The following MRPL1 variants were observed in gnomAD, a reference collection of about 807,000 sequenced individuals.
The protein encoded by MRPL1 is mitochondrial ribosomal protein L1.
Under a neutral mutation model 38.0 loss-of-function variants are expected in MRPL1, and 28 were observed. The ratio of observed to expected loss-of-function variants is 0.74; its 90% CI spans 0.55 to 1.01. The LOEUF (loss-of-function observed/expected upper bound fraction) is 1.01. Ranked by LOEUF, MRPL1 falls within the 50% of genes least tolerant of loss-of-function variation. MRPL1 has a pLI of 0.00. For missense variants in MRPL1, 358 were observed against 389.8 expected, an observed-to-expected ratio of 0.92 and a Z score of 0.69; for synonymous variants, 123 against 126.7, an observed-to-expected ratio of 0.97 and a Z score of 0.20.
chr4:77,867,801 G>C (rs1042632373), intron 1 of MRPL1, among the ~76,000 whole-genome samples: 1 of 142,132 alleles, frequency 7.0e-6, no homozygotes, highest in Non-Finnish European at 1.5e-5. Flanking sequence ...CTGTCGACCA[G>C]GCTAGAGGGC....
intron 7 of MRPL1, among the ~76,000 whole-genome samples, chr4:77,948,796 G>C (rs1263443354): frequency 1.4e-5 from 2 of 145,944 alleles, no homozygotes; most frequent in Admixed American, 1.4e-4. Context: ...TTGAGACAGA[G>C]TTTTGCTCTT....
At chr4:77,952,349 T>A (rs954790560) in intron 8 of MRPL1, 140 bp from the exon 9 acceptor site, 2 of 674,606 alleles carry the variant, frequency 3.0e-6, no homozygotes, top group Admixed American at 2.7e-5. Flanking sequence ...ACGGTACAAT[T>A]GGTTTCTTTA....
chr4:77,869,672 C>T (rs1374716816), intron 1 of MRPL1, among the ~76,000 whole-genome samples: 2 of 152,072 alleles, frequency 1.3e-5, no homozygotes, highest in Non-Finnish European at 2.9e-5. Context: ...TCACTGCAAC[C>T]TCTGCCATCC....
intron 2 of MRPL1, among the ~76,000 whole-genome samples, chr4:77,876,100 G>A (rs1735383063): frequency 6.6e-6 from 1 of 152,044 alleles, no homozygotes; most frequent in East Asian, 1.9e-4. Flanking sequence ...AGCCTCCCAA[G>A]TAGCTAGGAT....
At chr4:77,872,915 C>T (rs1735315931) in intron 2 of MRPL1, among the ~76,000 whole-genome samples, 1 of 152,094 alleles carries the variant, frequency 6.6e-6, no homozygotes, top group African/African-American at 2.4e-5. Flanking sequence ...TACCTGTAAT[C>T]CCTGCTACTT....
chr4:77,885,316 A>G lies in MRPL1; in HGVS notation c.463A>G (p.Asn155Asp). The G allele has an allele frequency of 6.2e-7, 1 of 1,613,762 alleles. No homozygotes were observed. The change falls in exon 4 of 9, where the codon AAT becomes GAT. Residue 155 changes from asparagine to aspartate, a missense_variant. By Grantham distance (23) the Asn-to-Asp change is conservative. Transcript: ENST00000315567. ...GCCATACCCATTTGCTTCCGAAATC[A>G]ATAAAGTTGCTGTATTTACAGAGGT... ...SLPYPFASEI[N>D]KVAVFTENAS... is the part of the protein sequence containing the mutation.
intron 6 of MRPL1, 33 bp downstream of exon 6, chr4:77,894,283 C>A: frequency 7.6e-7 from 1 of 1,316,278 alleles, no homozygotes; most frequent in Non-Finnish European, 1.1e-6. Context: ...AATATCCTGT[C>A]AACAACTTTC....
intron 6 of MRPL1, among the ~76,000 whole-genome samples, chr4:77,896,069 A>G (rs1735904494): frequency 6.6e-6 from 1 of 151,542 alleles, no homozygotes; most frequent in Non-Finnish European, 1.5e-5. Context: ...CTTGCTTTGC[A>G]TGGTGATCTG....
chr4:77,905,695 C>T (rs1473866850), intron 6 of MRPL1, among the ~76,000 whole-genome samples: 1 of 151,974 alleles, frequency 6.6e-6, no homozygotes, highest in Admixed American at 6.6e-5. Flanking sequence ...AATCTATCAC[C>T]TTTTTTCTAG....
intron 6 of MRPL1, among the ~76,000 whole-genome samples, chr4:77,894,844 G>T (rs924722048): frequency 6.6e-6 from 1 of 152,128 alleles, no homozygotes; most frequent in African/African-American, 2.4e-5. Flanking sequence ...CATCATAAAA[G>T]AGGTAACATT....
At chr4:77,863,656 A>T (rs1578033988) in intron 1 of MRPL1, among the ~76,000 whole-genome samples, 1 of 151,948 alleles carries the variant, frequency 6.6e-6, no homozygotes, top group Non-Finnish European at 1.5e-5. Context: ...TAGTAGAGAC[A>T]GGGTTTCACC....
intron 7 of MRPL1, among the ~76,000 whole-genome samples, chr4:77,936,051 T>A (rs1232042862): frequency 5.3e-5 from 8 of 152,080 alleles, no homozygotes; most frequent in Non-Finnish European, 1.5e-5. Flanking sequence ...TAAATGCACA[T>A]AGTGAAATAT....
intron 2 of MRPL1, among the ~76,000 whole-genome samples, chr4:77,878,369 G>T (rs1735449947): frequency 2.6e-5 from 4 of 152,154 alleles, no homozygotes; most frequent in African/African-American, 9.7e-5. Context: ...TAAGAAATAA[G>T]AATTCCAAAT....
intron 1 of MRPL1, among the ~76,000 whole-genome samples, chr4:77,866,892 C>T (rs553274740): frequency 9.9e-5 from 15 of 151,956 alleles, no homozygotes; most frequent in African/African-American, 2.4e-4. Context: ...GGATTACAGG[C>T]GCCTGTCACA....
chr4:77,905,846 TATG>T (rs1736146203), intron 6 of MRPL1, among the ~76,000 whole-genome samples: 1 of 152,232 alleles, frequency 6.6e-6, no homozygotes, highest in Non-Finnish European at 1.5e-5. Flanking sequence ...ACATCATCAG[TATG>T]ATATCAGGCT....
At chr4:77,909,408 T>C in intron 7 of MRPL1, 36 bp downstream of exon 7, 1 of 1,279,232 alleles carries the variant, frequency 7.8e-7, no homozygotes, top group South Asian at 1.3e-5. Context: ...TAATCCTCTT[T>C]TTTTGTTGTT....
At chr4:77,934,414 G>C (rs1179039394) in intron 7 of MRPL1, among the ~76,000 whole-genome samples, 1 of 152,080 alleles carries the variant, frequency 6.6e-6, no homozygotes, top group East Asian at 1.9e-4. Flanking sequence ...TCTCTCCAAA[G>C]ATGATATACA....
intron 6 of MRPL1, among the ~76,000 whole-genome samples, chr4:77,897,658 A>T (rs1735947957): frequency 6.6e-6 from 1 of 152,208 alleles, no homozygotes; most frequent in Admixed American, 6.5e-5. Flanking sequence ...GCTTTCCGTG[A>T]GGAATTTGGT....
chr4:77,895,840 A>C (rs1735900411), intron 6 of MRPL1, among the ~76,000 whole-genome samples: 1 of 152,168 alleles, frequency 6.6e-6, no homozygotes, highest in African/African-American at 2.4e-5. Context: ...AGCAGTGTTC[A>C]TTATGGAGTC....
Sources: allele counts gnomAD v4.1 joint callset (sites outside exome capture counted in the v4.1 genomes callset), GRCh38; gene constraint gnomAD v4.1.1; transcripts MANE v1.5; gene names NCBI Gene and HGNC (gene_info 2026-07-23, HGNC 2026-07-21).